The following ZNF880 variants were observed in gnomAD, a reference collection of about 807,000 sequenced individuals.
The protein encoded by ZNF880 is zinc finger protein LOC400713.
ZNF880 carries 12 observed loss-of-function variants against 11.8 expected under a neutral mutation model. That is an observed-to-expected ratio of 1.02 (90% CI 0.65 to 1.65). The LOEUF (loss-of-function observed/expected upper bound fraction) is 1.65. Among genes scored for constraint, ZNF880 ranks in the 40% most tolerant of loss-of-function variants. ZNF880 has a pLI of 0.00. For synonymous variants in ZNF880, 210 were observed against 232.4 expected (o/e 0.90, Z 0.88); for missense variants, 601 against 673.9 (o/e 0.89, Z 1.20).
downstream of ZNF880, among the ~76,000 whole-genome samples, chr19:52,387,849 T>C (rs1986928256): frequency 1.4e-5 from 2 of 140,568 alleles, 1 homozygote; most frequent in South Asian, 4.4e-4. Context: ...TTTTTTTTCC[T>C]AGTAGTGCTC....
intron 1 of ZNF880, among the ~76,000 whole-genome samples, chr19:52,371,159 T>C (rs1986359249): frequency 6.6e-6 from 1 of 152,194 alleles, no homozygotes; most frequent in Non-Finnish European, 1.5e-5. Context: ...TTACATCTTA[T>C]ATATTTTCAT....
At chr19:52,388,011 CTG>C (rs766414459), downstream of ZNF880, among the ~76,000 whole-genome samples, 6 of 137,556 alleles carry the variant, frequency 4.4e-5, 1 homozygote, top group Admixed American at 7.2e-5. Context: ...TCCCAAATAA[CTG>C]TGACTACAGG....
the ZNF880 span, among the ~76,000 whole-genome samples, chr19:52,393,885 G>T: frequency 7.6e-6 from 1 of 130,918 alleles, no homozygotes; most frequent in African/African-American, 2.8e-5. Context: ...CGCCCAGGCT[G>T]GAGTGCAGTG....
At position 52,369,924 on chromosome 19, in the gene ZNF880, G is replaced by C; in HGVS notation, c.-42G>C. 6.4e-7 allele frequency: 1 copy of C among 1,551,624 alleles called. No homozygotes were observed. Among genetic ancestry groups the C allele is most frequent in the Middle Eastern group, 1.7e-4 (1 of 5,992 alleles). On this transcript the variant is annotated 5_prime_UTR_variant, in exon 1 of 4. Coordinates refer to ENST00000422689, the MANE Select transcript of ZNF880 (RefSeq NM_001145434.2). ...GCCTCGCCTCTCAGCTGCGCGCGCA[G>C]TTTCCTGGAGACCCGGAAGCAGATT... is the stretch of plus-strand genomic sequence containing the variant.
At chr19:52,381,381 C>A (rs920061388) in intron 3 of ZNF880, among the ~76,000 whole-genome samples, 1 of 152,144 alleles carries the variant, frequency 6.6e-6, no homozygotes, top group African/African-American at 2.4e-5. Flanking sequence ...AAAGTCTATT[C>A]TCTCATATTA....
Position 52,385,099 on chromosome 19 carries a change from C to G in ZNF880, c.1519C>G (p.Leu507Val). The G allele has an allele frequency of 6.4e-7, 1 of 1,558,820 alleles. No homozygotes were observed. The highest frequency in any genetic ancestry group is 8.7e-7 in the Non-Finnish European group (1 of 1,151,206). Reference protein sequence around the residue: ...CHKVFSHNSHLARHRQIHTGE... With the variant: ...CHKVFSHNSHVARHRQIHTGE... ...CAAAGTCTTTAGTCACAATTCACAC[C>G]TTGCACGACATAGGCAAATTCATAC... Residue 507 changes from leucine (L) to valine (V), a missense_variant, in exon 4 of 4, where the codon CTT becomes GTT. Transcript: ENST00000422689.
chr19:52,368,212 A>G (rs1397852471), upstream of ZNF880, among the ~76,000 whole-genome samples: 1 of 61,210 alleles, frequency 1.6e-5, no homozygotes, highest in African/African-American at 1.4e-4. Context: ...CTCAAAAAAA[A>G]AAAAATAATA....
At chr19:52,394,342 C>G in the ZNF880 span, among the ~76,000 whole-genome samples, 83 of 152,012 alleles carry the variant, frequency 5.5e-4, no homozygotes, top group Admixed American at 1.7e-3. Context: ...CTTAAGTCAT[C>G]CTCCCACCTC....
At position 52,374,438 on chromosome 19, in the gene ZNF880, G is replaced by C; in HGVS notation, c.268+11G>C. The C allele has an allele frequency of 5.6e-6, 9 of 1,608,478 alleles. No homozygotes were observed. The South Asian group carries it at 1.0e-4, about 18-fold the overall frequency. On this transcript the variant is annotated intron_variant, in intron 3 of 3. Coordinates refer to ENST00000422689, the MANE Select transcript of ZNF880 (RefSeq NM_001145434.2). ...AAGGTGTGAACGCAGGTAAGAGCTT[G>C]GATGGCCAGAGTGGAGGCCCCATAA... is the stretch of plus-strand genomic sequence containing the variant.
chr19:52,393,367 C>T, the ZNF880 span, among the ~76,000 whole-genome samples: 1 of 151,936 alleles, frequency 6.6e-6, no homozygotes, highest in African/African-American at 2.4e-5. Context: ...GCCACCATGC[C>T]TGGCCTAAAT....
the ZNF880 span, chr19:52,392,860 G>A: frequency 1.2e-5 from 2 of 167,802 alleles, no homozygotes; most frequent in African/African-American, 4.8e-5. Context: ...GTCTTGCTCT[G>A]TTAGCCAGGT....
chr19:52,380,457 C>G (rs1380111872), intron 3 of ZNF880, among the ~76,000 whole-genome samples: 3 of 151,838 alleles, frequency 2.0e-5, no homozygotes, highest in African/African-American at 7.3e-5. Flanking sequence ...GTATTCCATT[C>G]TTTTCCTTAT....
chr19:52,377,612 A>C (rs1213949467), intron 3 of ZNF880, among the ~76,000 whole-genome samples: 2 of 152,146 alleles, frequency 1.3e-5, no homozygotes, highest in Admixed American at 6.5e-5. Flanking sequence ...GGTTCCCTCA[A>C]GCCCCTTCTT....
At chr19:52,391,368 T>G in the ZNF880 span, 1 of 149,250 alleles carries the variant, frequency 6.7e-6, no homozygotes, top group Non-Finnish European at 1.5e-5. Context: ...TATATGAAAA[T>G]TGGAGACAAA....
chr19:52,372,842 G>A (rs1320897859), intron 1 of ZNF880, among the ~76,000 whole-genome samples: 20 of 149,588 alleles, frequency 1.3e-4, no homozygotes, highest in East Asian at 4.0e-4. Context: ...CCTGGGAGGC[G>A]GAGGTTGCAG....
chr19:52,370,296 G>A (rs1804710143), intron 1 of ZNF880: 5 of 386,080 alleles, frequency 1.3e-5, no homozygotes, highest in Admixed American at 3.8e-5. Flanking sequence ...ATGGATCCAC[G>A]TCTTTCCGGT....
upstream of ZNF880, chr19:52,369,816 G>A (rs1480288209): frequency 4.4e-6 from 4 of 918,230 alleles, no homozygotes; most frequent in East Asian, 5.3e-5. Flanking sequence ...CTCCACGGCA[G>A]GTCTAGCCTC....
At chr19:52,380,819 G>A (rs914174849) in intron 3 of ZNF880, among the ~76,000 whole-genome samples, 1 of 152,096 alleles carries the variant, frequency 6.6e-6, no homozygotes, top group African/African-American at 2.4e-5. Context: ...TGGGACTACA[G>A]GCATGTACCA....
chr19:52,372,225 A>G (rs911874607), intron 1 of ZNF880, among the ~76,000 whole-genome samples: 3 of 151,770 alleles, frequency 2.0e-5, no homozygotes, highest in Admixed American at 2.0e-4. Flanking sequence ...ACGCTTCTAT[A>G]GAAATAACTG....
Sources: gnomAD v4.1 joint callset for allele counts (sites outside exome capture counted in the v4.1 genomes callset) on GRCh38, gnomAD v4.1.1 for gene constraint, MANE v1.5 for transcripts, NCBI Gene and HGNC (gene_info 2026-07-23, HGNC 2026-07-21) for gene names.